Variants in NDFIP2 observed in about 807,000 individuals in gnomAD.
The protein encoded by NDFIP2 is Nedd4 family interacting protein 2, also known as NEDD4 family-interacting protein 2.
NDFIP2 carries 19 observed loss-of-function variants against 36.0 expected under a neutral mutation model. The observed-to-expected ratio is 0.53, with a 90% confidence interval of 0.37 to 0.77. The LOEUF is 0.77. Ranked by LOEUF, NDFIP2 falls within the 30% of genes least tolerant of loss-of-function variation. The pLI, the probability that NDFIP2 is intolerant of heterozygous loss-of-function variation, is 0.00. For missense variants in NDFIP2, 446 were observed against 435.8 expected (o/e 1.02, Z -0.21); for synonymous variants, 181 against 167.7 (o/e 1.08, Z -0.61).
intron 3 of NDFIP2, among the ~76,000 whole-genome samples, chr13:79,538,712 A>T (rs928143217): frequency 1.3e-5 from 2 of 152,122 alleles, no homozygotes; most frequent in African/African-American, 2.4e-5. Flanking sequence ...CCTCCTGAGT[A>T]GCTGGGATTA....
At chr13:79,484,181 A>C (rs1232234266) in intron 1 of NDFIP2, among the ~76,000 whole-genome samples, 2 of 151,658 alleles carry the variant, frequency 1.3e-5, no homozygotes, top group African/African-American at 4.9e-5. Context: ...ACACCTGGCT[A>C]ATTTTTGTAT....
chr13:79,554,517 C>A lies in NDFIP2; in HGVS notation c.*2004C>A, dbSNP rs1876032657. ...TACTTTTGATCCAGCATCAAAACTTCACTTTTTGTTTTGACTTTTCCCCCC... is the reference window on the plus strand; with the variant it reads ...TACTTTTGATCCAGCATCAAAACTTAACTTTTTGTTTTGACTTTTCCCCCC... On this transcript the variant is annotated 3_prime_UTR_variant, in exon 8 of 8. Coordinates refer to ENST00000218652, the MANE Select transcript of NDFIP2 (RefSeq NM_019080.3). 1 of 151,814 alleles carries A rather than the reference C, an allele frequency of 6.6e-6. No individual in the cohort carries two copies. Among genetic ancestry groups the A allele is most frequent in the Admixed American group, 6.6e-5 (1 of 15,212 alleles). The allele number at this position is 151,814 out of a possible 1,614,324, so 9.4% of individuals were successfully genotyped here.
rs1238076749 is a variant in NDFIP2, at chr13:79,481,236, G to T, written c.33G>T (p.Ala11=). 7 of 1,523,498 alleles carry T rather than the reference G, an allele frequency of 4.6e-6. No homozygotes were observed. The highest frequency in any genetic ancestry group is 1.4e-5 in the African/African-American group (1 of 71,492). 94.4% of individuals were successfully genotyped at this position (1,523,498 alleles called of 1,614,324 possible). A position where few individuals can be genotyped will look rare whatever the true frequency, so the allele number is the denominator to read the frequency against. The part of the protein sequence containing the change: MARRRSQRVC[A]SGPSMLNSAR... ...GCCGGCGGAGCCAGCGAGTCTGCGC[G>T]AGCGGTCCGAGCATGCTCAATAGCG... Residue 11 remains alanine, a synonymous_variant, in exon 1 of 8, where the codon GCG becomes GCT. Transcript: ENST00000218652.
At chr13:79,500,646 T>C (rs1577416) in intron 1 of NDFIP2, among the ~76,000 whole-genome samples, 105,919 of 151,900 alleles carry the variant, frequency 0.7, 38,545 homozygotes, top group African/African-American at 0.92. Context: ...TGGCCCAAAT[T>C]CAGAACGCTG....
At chr13:79,497,790 TGG>T (rs60067085) in intron 1 of NDFIP2, among the ~76,000 whole-genome samples, 33,200 of 142,908 alleles carry the variant, frequency 0.23, 3,961 homozygotes, top group Admixed American at 0.35. Context: ...CCTTTATCTG[TGG>T]GGGGTGTGTG....
intron 1 of NDFIP2, among the ~76,000 whole-genome samples, chr13:79,487,007 C>A (rs1873023928): frequency 6.6e-6 from 1 of 152,184 alleles, no homozygotes; most frequent in Admixed American, 6.5e-5. Context: ...CTCATGACGT[C>A]ATCTAAACCT....
intron 1 of NDFIP2, among the ~76,000 whole-genome samples, chr13:79,491,264 A>C (rs540714258): frequency 6.6e-6 from 1 of 152,282 alleles, no homozygotes; most frequent in South Asian, 2.1e-4. Context: ...TTCAAGGCCA[A>C]TTTTATAGAC....
At chr13:79,505,371 T>G (rs1307586801) in intron 1 of NDFIP2, among the ~76,000 whole-genome samples, 2 of 152,090 alleles carry the variant, frequency 1.3e-5, no homozygotes, top group African/African-American at 2.4e-5. Context: ...AGCTCATGGT[T>G]GTAATCCCAG....
intron 1 of NDFIP2, among the ~76,000 whole-genome samples, chr13:79,495,068 T>C (rs1873386485): frequency 6.6e-6 from 1 of 151,952 alleles, no homozygotes; most frequent in Non-Finnish European, 1.5e-5. Context: ...TTTCTACTTA[T>C]TTGATACTTT....
rs1454386853 is a variant in NDFIP2, at chr13:79,553,245, A to G, written c.*732A>G. On this transcript the variant is annotated 3_prime_UTR_variant, in exon 8 of 8. Coordinates refer to ENST00000218652, the MANE Select transcript of NDFIP2 (RefSeq NM_019080.3). ...ATATATATTTAGAAACGTGAGTGTTAAAGATAGAATTTGTTTTAGGACAAA... is the reference window on the plus strand; with the variant it reads ...ATATATATTTAGAAACGTGAGTGTTGAAGATAGAATTTGTTTTAGGACAAA... 6.7e-6 allele frequency: 1 copy of G among 148,728 alleles called. No homozygotes were observed. The highest frequency in any genetic ancestry group is 6.8e-5 in the Admixed American group (1 of 14,732). The allele number at this position is 148,728 out of a possible 1,614,324, so 9.2% of individuals were successfully genotyped here.
At chr13:79,531,741 C>T (rs967847662) in intron 2 of NDFIP2, among the ~76,000 whole-genome samples, 1 of 152,226 alleles carries the variant, frequency 6.6e-6, no homozygotes, top group Non-Finnish European at 1.5e-5. Context: ...TGCTCTGAAC[C>T]AGGCTTTGGC....
intron 4 of NDFIP2, among the ~76,000 whole-genome samples, 169 bp downstream of exon 4, chr13:79,539,944 A>G (rs1875392029): frequency 6.6e-6 from 1 of 152,374 alleles, no homozygotes; most frequent in East Asian, 1.9e-4. Context: ...ATGTTTAAAT[A>G]CAAATCCTAG....
At chr13:79,543,741 C>T (rs985037546) in intron 5 of NDFIP2, 59 bp downstream of exon 5, 2 of 1,584,364 alleles carry the variant, frequency 1.3e-6, no homozygotes, top group Non-Finnish European at 8.6e-7. Flanking sequence ...ATGAAATTTT[C>T]TGTGTGGTTC....
chr13:79,540,282 A>G (rs1447561701), intron 4 of NDFIP2, among the ~76,000 whole-genome samples: 1 of 152,230 alleles, frequency 6.6e-6, no homozygotes, highest in Admixed American at 6.5e-5. Context: ...AGAAGATCAG[A>G]AACAGTAACA....
intron 1 of NDFIP2, among the ~76,000 whole-genome samples, chr13:79,494,062 A>T (rs1873345660): frequency 6.6e-6 from 1 of 152,116 alleles, no homozygotes; most frequent in Admixed American, 6.6e-5. Context: ...GTGTATTTTT[A>T]ACATATGCAG....
rs920923476 is a variant in NDFIP2 at position 79,554,078 on chromosome 13, T to G, written c.*1565T>G. 2.0e-5 allele frequency: 3 copies of G among 151,674 alleles called. No homozygotes were observed. The highest frequency in any genetic ancestry group is 7.2e-5 in the African/African-American group (3 of 41,428). The allele number at this position is 151,674 out of a possible 1,614,324, so 9.4% of individuals were successfully genotyped here. ...TTGTCTTTGATAAATAAAACAGTTT[T>G]GTTTTGCTAATATAGCCTATTTTTT... is the stretch of plus-strand genomic sequence containing the variant. On this transcript the variant is annotated 3_prime_UTR_variant, in exon 8 of 8. Transcript: ENST00000218652.
intron 1 of NDFIP2, among the ~76,000 whole-genome samples, chr13:79,506,864 C>G (rs1487943011): frequency 6.6e-6 from 1 of 151,898 alleles, no homozygotes; most frequent in African/African-American, 2.4e-5. Context: ...GGGAAAAATA[C>G]CTTAAGATCT....
Position 79,499,632 on chromosome 13 carries a change from T to C in NDFIP2, c.321+18108T>C, listed in dbSNP as rs574818370. Among the ~76,000 whole-genome samples the C allele has an allele frequency of 7.7e-4, 116 of 151,392 alleles. 1 individual carries two copies. Among genetic ancestry groups the C allele is most frequent in the African/African-American group, 2.7e-3 (111 of 41,262 alleles). ...AATTAAAAACATAATACTGTTAGCA[T>C]CCCCCCAAAAGAAATACTTAAGTAT... On this transcript the variant is annotated intron_variant, in intron 1 of 7. Transcript: ENST00000218652.
intron 1 of NDFIP2, among the ~76,000 whole-genome samples, chr13:79,488,129 C>A (rs1479499486): frequency 4.6e-5 from 7 of 150,846 alleles, no homozygotes; most frequent in African/African-American, 9.9e-5. Context: ...TAAAATAGAT[C>A]TTTGTATGTT....
Sources: gnomAD v4.1 joint callset for allele counts (sites outside exome capture counted in the v4.1 genomes callset) on GRCh38, gnomAD v4.1.1 for gene constraint, MANE v1.5 for transcripts, NCBI Gene and HGNC (gene_info 2026-07-23, HGNC 2026-07-21) for gene names.